REXO2: variants seen among roughly 807,000 people sequenced by gnomAD.
The protein encoded by REXO2 is oligoribonuclease, mitochondrial.
A neutral mutation model predicts 30.9 loss-of-function variants in REXO2; 17 were observed. That is an observed-to-expected ratio of 0.55 (90% CI 0.38 to 0.82). The LOEUF (loss-of-function observed/expected upper bound fraction) is 0.82. REXO2 is among the 40% of genes least tolerant of loss of function. REXO2 has a pLI of 0.00. For missense variants in REXO2, 253 were observed against 293.2 expected, an observed-to-expected ratio of 0.86 and a Z score of 1.00; for synonymous variants, 105 against 99.6, an observed-to-expected ratio of 1.05 and a Z score of -0.32.
chr11:114,440,225 G>T, intron 1 of REXO2: 1 of 440,958 alleles, frequency 2.3e-6, no homozygotes, highest in South Asian at 1.6e-5. Context: ...CCGAAACAAG[G>T]GCTCCTCCCA....
intron 1 of REXO2, chr11:114,440,024 A>C (rs543003958): frequency 3.1e-5 from 15 of 483,910 alleles, no homozygotes; most frequent in South Asian, 2.5e-4. Context: ...GCTTCCCCCA[A>C]CTAAATCCTT....
intron 2 of REXO2, among the ~76,000 whole-genome samples, chr11:114,443,491 G>A (rs535159931): frequency 1.3e-5 from 2 of 151,746 alleles, no homozygotes; most frequent in South Asian, 4.2e-4. Flanking sequence ...GGCTTTGAGT[G>A]CAGTCATATG....
chr11:114,439,793 C>A (rs912431408), intron 1 of REXO2, 118 bp downstream of exon 1: 2 of 1,271,182 alleles, frequency 1.6e-6, no homozygotes, highest in Non-Finnish European at 1.0e-6. Flanking sequence ...GGCAGGTGAG[C>A]GCGGCCGGCC....
intron 1 of REXO2, 82 bp downstream of exon 1, chr11:114,439,757 G>A: frequency 7.1e-7 from 1 of 1,411,634 alleles, no homozygotes; most frequent in Non-Finnish European, 9.3e-7. Context: ...TCCTGGGAGA[G>A]CGTTGGGGGT....
At chr11:114,439,924 C>T in intron 1 of REXO2, 1 of 571,732 alleles carries the variant, frequency 1.7e-6, no homozygotes, top group Non-Finnish European at 3.1e-6. Flanking sequence ...CCTCCCTACC[C>T]CTCCGCCCAG....
intron 2 of REXO2, among the ~76,000 whole-genome samples, chr11:114,441,278 T>G (rs191566938): frequency 5.9e-5 from 9 of 152,210 alleles, no homozygotes; most frequent in Non-Finnish European, 1.2e-4. Flanking sequence ...CGTCTTTATA[T>G]CATAACCTTG....
intron 1 of REXO2, among the ~76,000 whole-genome samples, chr11:114,439,952 C>A (rs540694112): frequency 3.3e-5 from 5 of 152,248 alleles, no homozygotes; most frequent in African/African-American, 9.6e-5. Context: ...CTTTTCCTAA[C>A]GCTCTGGCGT....
rs766483160 is a variant in REXO2, at chr11:114,447,820, G to T, written c.531-6G>T. 2 of 1,612,860 alleles carry T rather than the reference G, an allele frequency of 1.2e-6. No homozygotes were observed. The highest frequency in any genetic ancestry group is 3.3e-5 in the Admixed American group (2 of 59,792). On this transcript the variant is annotated splice_region_variant and splice_polypyrimidine_tract_variant and intron_variant, in intron 5 of 6. Transcript: ENST00000265881. ...CCTTTGAGAGTTCCATTTCTGCTGT[G>T]TATAGACGCTGGTATCCAGAAGAAT...
chr11:114,447,710 A>G, intron 5 of REXO2, 116 bp from the exon 6 acceptor site: 1 of 789,412 alleles, frequency 1.3e-6, no homozygotes, highest in Non-Finnish European at 2.0e-6. Context: ...CAAAGAAGCA[A>G]CTTGAGAATC....
chr11:114,444,674 A>G (rs765459292), intron 4 of REXO2, 22 bp downstream of exon 4: 1 of 1,460,930 alleles, frequency 6.8e-7, no homozygotes, highest in African/African-American at 1.4e-5. Flanking sequence ...TCCTGTGTAT[A>G]TCTTATAGTC....
At chr11:114,440,570 T>G in intron 1 of REXO2, 86 bp from the exon 2 acceptor site, 3 of 989,850 alleles carry the variant, frequency 3.0e-6, no homozygotes, top group Middle Eastern at 2.1e-4. Flanking sequence ...CTGACTATGT[T>G]TGAGGGAATT....
At position 114,449,766 on chromosome 11, in the gene REXO2, T is replaced by C. The variant is rs972696143; in HGVS notation, c.585-80T>C. On this transcript the variant is annotated intron_variant, in intron 6 of 6. Coordinates refer to ENST00000265881, the MANE Select transcript of REXO2 (RefSeq NM_015523.4). The stretch of plus-strand genomic sequence containing the variant: ...GTAACATCCATTGTTCTTAAGTCGT[T>C]TTTTAAAAGTTGTACTTTTAAAATG... The C allele has an allele frequency of 2.5e-5, 37 of 1,468,404 alleles. No individual in the cohort carries two copies. In the African/African-American group the frequency reaches 4.0e-4, roughly 16 times the overall value. The allele number at this position is 1,468,404 out of a possible 1,614,324, so 91.0% of individuals were successfully genotyped here.
chr11:114,439,931 C>T (rs558359862), intron 1 of REXO2: 108 of 569,862 alleles, frequency 1.9e-4, no homozygotes, highest in Admixed American at 3.5e-4. Context: ...ACCCCTCCGC[C>T]CAGATGTGGA....
At chr11:114,441,986 C>T (rs749688044) in intron 2 of REXO2, 1 of 546,400 alleles carries the variant, frequency 1.8e-6, no homozygotes, top group Non-Finnish European at 3.2e-6. Context: ...TCTAACTTAC[C>T]CTTGGCCGAA....
In REXO2 at chr11:114,450,067, G is replaced by A. The variant is rs1442951532; in HGVS notation, c.*92G>A. On this transcript the variant is annotated 3_prime_UTR_variant, in exon 7 of 7. Transcript: ENST00000265881. ...GCTGATGGCTTGGCAGAGCACCTTC[G>A]GTTAACTTGCATCTCCAGATTGATT... is the stretch of plus-strand genomic sequence containing the variant. 2.3e-6 allele frequency: 3 copies of A among 1,302,668 alleles called. No individual in the cohort carries two copies. The highest frequency in any genetic ancestry group is 1.9e-4 in the Middle Eastern group (1 of 5,140). 80.7% of individuals were successfully genotyped at this position (1,302,668 alleles called of 1,614,324 possible).
intron 1 of REXO2, 169 bp downstream of exon 1, chr11:114,439,844 G>A (rs936305434): frequency 2.1e-5 from 16 of 754,034 alleles, no homozygotes; most frequent in Non-Finnish European, 3.1e-5. Context: ...GAGTCCTGCG[G>A]GTGTTGGGCG....
intron 6 of REXO2, chr11:114,448,788 C>T (rs954390379): frequency 6.6e-6 from 1 of 152,226 alleles, no homozygotes; most frequent in Non-Finnish European, 1.5e-5. Context: ...TGTCAATAGC[C>T]TCACATTAAG....
At chr11:114,443,380 A>C (rs1356061214) in intron 2 of REXO2, among the ~76,000 whole-genome samples, 5 of 151,706 alleles carry the variant, frequency 3.3e-5, no homozygotes, top group African/African-American at 1.2e-4. Context: ...GGCCTCCCAG[A>C]GTGCTGGGAT....
rs1183626820 is a variant in REXO2 at position 114,449,927 on chromosome 11, GAA to G, written c.667_668del (p.Lys223GlufsTer10). On this transcript the variant is annotated frameshift_variant, in exon 7 of 7. Coordinates refer to ENST00000265881, the MANE Select transcript of REXO2 (RefSeq NM_015523.4). LOFTEE classifies it high-confidence loss of function. Reference sequence around the variant, plus strand: ...TCTTCAAGAAAAAAATAGATGAAAAGAAGAGGAAAATTATAGAAAATGGGGAA... The same window carrying G: ...TCTTCAAGAAAAAAATAGATGAAAAGGAGGAAAATTATAGAAAATGGGGAA... ...NIFKKKIDEK[K>X]RKIIENGENE... 2 of 1,608,930 alleles carry G rather than the reference GAA, an allele frequency of 1.2e-6. No homozygotes were observed. The highest frequency in any genetic ancestry group is 1.3e-5 in the African/African-American group (1 of 74,624).
Sources: allele counts gnomAD v4.1 joint callset (sites outside exome capture counted in the v4.1 genomes callset), GRCh38; gene constraint gnomAD v4.1.1; transcripts MANE v1.5; gene names NCBI Gene and HGNC (gene_info 2026-07-23, HGNC 2026-07-21).